The following KDM5C variants were observed in gnomAD, a reference collection of about 807,000 sequenced individuals.
KDM5C encodes the protein lysine demethylase 5C, also known as lysine-specific demethylase 5C.
KDM5C carries 16 observed loss-of-function variants against 110.6 expected under a neutral mutation model. That is an observed-to-expected ratio of 0.14 (90% confidence interval 0.10 to 0.22). The LOEUF (loss-of-function observed/expected upper bound fraction) is 0.22. Among genes scored for constraint, KDM5C ranks in the 10% least tolerant of loss-of-function variants. The pLI is 1.00. For missense variants in KDM5C, 681 were observed against 1,300.9 expected (o/e 0.52, Z 7.33); for synonymous variants, 511 against 520.4 (o/e 0.98, Z 0.24).
Position 53,193,260 on chromosome X carries a change from C to A in KDM5C, c.4390G>T (p.Asp1464Tyr). The A allele has an allele frequency of 8.3e-7, 1 of 1,208,992 alleles. No homozygotes were observed. Among genetic ancestry groups the A allele is most frequent in the Non-Finnish European group, 1.1e-6 (1 of 895,182 alleles). ...ALERRRRRKVDRGGEGDDPAR... is the reference protein window; with the variant it reads ...ALERRRRRKVYRGGEGDDPAR... ...GGGTCATCGCCCTCCCCACCCCGAT[C>A]CACCTTCCGCCGCCGCCGCCTCTCC... is the stretch of plus-strand genomic sequence containing the variant. The change falls in exon 26 of 26, where the codon GAT becomes TAT. Residue 1464 changes from aspartate (D) to tyrosine (Y), a missense_variant. Physicochemically the swap from Asp to Tyr is radical, Grantham distance 160 (BLOSUM62 -3). Around this residue, in one of 14 missense-constraint regions of KDM5C, gnomAD observed 115 missense variants for 120.9 expected, o/e 0.95. Coordinates refer to ENST00000375401, the MANE Select transcript of KDM5C (RefSeq NM_004187.5).
intron 18 of KDM5C, among the ~76,000 whole-genome samples, chrX:53,197,454 C>T (rs1292970731): frequency 9.1e-6 from 1 of 110,357 alleles, no homozygotes; most frequent in African/African-American, 3.3e-5. Flanking sequence ...TCTCACTCCT[C>T]CTCCACCTTC....
chrX:53,186,219 A>G (rs1556828123), intron 25 of KDM5C, among the ~76,000 whole-genome samples: 1 of 111,882 alleles, frequency 8.9e-6, no homozygotes, highest in Non-Finnish European at 1.9e-5. Flanking sequence ...GAATCTACAC[A>G]GTATAGATGG....
chrX:53,190,857 G>A (rs907724448), downstream of KDM5C, among the ~76,000 whole-genome samples: 1 of 111,817 alleles, frequency 8.9e-6, no homozygotes, highest in Non-Finnish European at 1.9e-5. Context: ...AGATGAGAAA[G>A]CAAAATAAGA....
chrX:53,212,542 G>A (rs2146925029), intron 8 of KDM5C: 1 of 111,888 alleles, frequency 8.9e-6, no homozygotes, highest in Non-Finnish European at 1.8e-5. Context: ...CTGACCCTGT[G>A]ATCCGCCCGC....
Position 53,195,990 on chromosome X carries a change from G to A in KDM5C, c.3046C>T (p.Leu1016=), listed in dbSNP as rs2146833556. 2 of 1,211,613 alleles carry A rather than the reference G, an allele frequency of 1.7e-6. No homozygotes were observed. Among genetic ancestry groups the A allele is most frequent in the East Asian group, 5.9e-5 (2 of 33,875 alleles). ...TCCTTGAGAGCCTGGATGTTGGGCA[G>A]GTGAACAGGGATGTTTTCCGCTTCA... ...IREAENIPVH[L]PNIQALKEAL... The change falls in exon 20 of 26, where the codon CTG becomes TTG. Residue 1016 remains leucine, a synonymous_variant. Transcript: ENST00000375401.
Position 53,225,200 on chromosome X carries a change from G to C in KDM5C, c.-311C>G, listed in dbSNP as rs782078582. 2.0e-5 allele frequency: 7 copies of C among 358,155 alleles called. No homozygotes were observed. Among genetic ancestry groups the C allele is most frequent in the Non-Finnish European group, 2.9e-5 (6 of 207,197 alleles). The allele number at this position is 358,155 out of a possible 1,213,427, so 29.5% of individuals were successfully genotyped here. A position where few individuals can be genotyped will look rare whatever the true frequency, so the allele number is the denominator to read the frequency against. ...CCTTCAGCGCCGCCGCCGCCATCTT[G>C]GTTTGTCAGCGTCTCCCCTCCCCAC... On this transcript the variant is annotated 5_prime_UTR_variant, in exon 1 of 26. Coordinates refer to ENST00000375401, the MANE Select transcript of KDM5C (RefSeq NM_004187.5).
intron 14 of KDM5C, chrX:53,201,171 A>C (rs2073128095): frequency 4.5e-6 from 1 of 221,490 alleles, no homozygotes; most frequent in Non-Finnish European, 8.3e-6. Flanking sequence ...AACTTGATAC[A>C]GTCACCTAGA....
At position 53,224,691 on chromosome X, in the gene KDM5C, A is replaced by G. The variant is rs782729064; in HGVS notation, c.150+49T>C. ...CCCAGACTTCGCCGCTGGCTATCCTACTGCTTCATTCCGTCTCGCCGCCGG... is the reference window on the plus strand; with the variant it reads ...CCCAGACTTCGCCGCTGGCTATCCTGCTGCTTCATTCCGTCTCGCCGCCGG... On this transcript the variant is annotated intron_variant, in intron 1 of 25. Transcript: ENST00000375401. 4.2e-6 allele frequency: 5 copies of G among 1,202,544 alleles called. No individual in the cohort carries two copies. In the South Asian group the frequency reaches 8.8e-5, roughly 21 times the overall value.
intron 8 of KDM5C, 36 bp from the exon 9 acceptor site, chrX:53,211,942 G>A (rs782495837): frequency 1.2e-5 from 15 of 1,206,124 alleles, no homozygotes; most frequent in Non-Finnish European, 1.5e-5. Flanking sequence ...CCAAAACAGA[G>A]GCAAAGAGGT....
chrX:53,179,140 G>A (rs924356919), intron 25 of KDM5C, among the ~76,000 whole-genome samples: 4 of 110,828 alleles, frequency 3.6e-5, no homozygotes, highest in Non-Finnish European at 7.6e-5. Context: ...AGGCTGAGGC[G>A]GGAGAATCGC....
At chrX:53,181,157 T>G (rs782538810) in intron 25 of KDM5C, among the ~76,000 whole-genome samples, 2 of 110,027 alleles carry the variant, frequency 1.8e-5, no homozygotes, top group East Asian at 5.6e-4. Flanking sequence ...TTGTTTGTTT[T>G]TTGTTTTTAA....
chrX:53,186,394 C>G (rs782803211), downstream of KDM5C, among the ~76,000 whole-genome samples: 48 of 111,983 alleles, frequency 4.3e-4, no homozygotes, highest in African/African-American at 1.3e-3. Flanking sequence ...GCATAGGACT[C>G]CAAGTGACCC....
downstream of KDM5C, among the ~76,000 whole-genome samples, chrX:53,188,870 G>A (rs1273491863): frequency 2.7e-5 from 3 of 111,397 alleles, no homozygotes; most frequent in African/African-American, 9.8e-5. Context: ...CACATGGCAA[G>A]GAACCTGAGA....
rs781950484 is a variant in KDM5C, at chrX:53,192,256, CTTTT to C, written c.*707_*710del. On this transcript the variant is annotated 3_prime_UTR_variant, in exon 26 of 26. Transcript: ENST00000375401. The stretch of plus-strand genomic sequence containing the variant: ...AGTTGGAACCAAGTTTCTTGTTTTG[CTTTT>C]TTTTTTCTTTTGAACAAATTAATTA... 4.9e-5 allele frequency: 8 copies of C among 162,435 alleles called. 1 individual carries two copies. The highest frequency in any genetic ancestry group is 2.2e-4 in the African/African-American group (7 of 32,379). The allele number at this position is 162,435 out of a possible 1,213,427, so 13.4% of individuals were successfully genotyped here.
intron 8 of KDM5C, 31 bp downstream of exon 8, chrX:53,214,658 A>G (rs2073690090): frequency 1.7e-6 from 2 of 1,193,242 alleles, no homozygotes; most frequent in Non-Finnish European, 1.1e-6. Context: ...AGGAAGCCCT[A>G]TGAGGCAGAT....
chrX:53,223,241 C>T (rs782479742), intron 1 of KDM5C, among the ~76,000 whole-genome samples: 2 of 111,787 alleles, frequency 1.8e-5, no homozygotes, highest in South Asian at 3.7e-4. Context: ...TTCCCACAGG[C>T]TTGCCCAACC....
rs17002644 is a variant in KDM5C at position 53,192,476 on chromosome X, G to A, written c.*491C>T. On this transcript the variant is annotated 3_prime_UTR_variant, in exon 26 of 26. Coordinates refer to ENST00000375401, the MANE Select transcript of KDM5C (RefSeq NM_004187.5). ...AAAACTGTGAGCACGGCTATGTGAA[G>A]TTTCCTCCTCCTGGGTGGAACAGTC... The A allele has an allele frequency of 1.9e-3, 542 of 278,737 alleles. 5 individuals carry two copies. The highest frequency in any genetic ancestry group is 0.014 in the African/African-American group (510 of 35,221). The allele number at this position is 278,737 out of a possible 1,213,427, so 23.0% of individuals were successfully genotyped here. A position where few individuals can be genotyped will look rare whatever the true frequency, so the allele number is the denominator to read the frequency against.
intron 2 of KDM5C, among the ~76,000 whole-genome samples, chrX:53,219,418 G>A (rs1347162282): frequency 8.9e-6 from 1 of 112,496 alleles, no homozygotes; most frequent in African/African-American, 3.2e-5. Flanking sequence ...AGAACTAAGA[G>A]ATGGTATATC....
At chrX:53,188,886 C>A (rs1341474395), downstream of KDM5C, among the ~76,000 whole-genome samples, 1 of 110,831 alleles carries the variant, frequency 9.0e-6, no homozygotes, top group Non-Finnish European at 1.9e-5. Context: ...TGAGAGTGAC[C>A]CCCAGCCAAC....
Sources: allele counts gnomAD v4.1 joint callset (sites outside exome capture counted in the v4.1 genomes callset), GRCh38; gene constraint gnomAD v4.1.1; regional missense constraint gnomAD v4.1.1; transcripts MANE v1.5; gene names NCBI Gene and HGNC (gene_info 2026-07-23, HGNC 2026-07-21).